The following NDUFAB1 variants were observed in gnomAD, a reference collection of about 807,000 sequenced individuals.
NDUFAB1 encodes the protein acyl carrier protein, mitochondrial.
NDUFAB1 carries 5 observed loss-of-function variants against 16.1 expected under a neutral mutation model. The ratio of observed to expected loss-of-function variants is 0.31; its 90% CI spans 0.16 to 0.65. The LOEUF (loss-of-function observed/expected upper bound fraction) is 0.65. NDUFAB1 is among the 30% of genes least tolerant of loss of function. The probability of loss-of-function intolerance (pLI) is 0.77; values close to 1 mark genes in which losing one functional copy is unlikely to be tolerated. For missense variants in NDUFAB1, 187 were observed against 205.3 expected (o/e 0.91, Z 0.54); for synonymous variants, 85 against 78.4 (o/e 1.08, Z -0.44).
At chr16:23,581,694 A>G (rs570416871) in intron 4 of NDUFAB1, among the ~76,000 whole-genome samples, 21 of 151,694 alleles carry the variant, frequency 1.4e-4, no homozygotes, top group African/African-American at 4.4e-4. Flanking sequence ...TTACATCATT[A>G]TATCAAGTGA....
Position 23,582,319 on chromosome 16 carries a change from C to G in NDUFAB1, c.436G>C (p.Asp146His). The change falls in exon 4 of 5, where the codon GAT becomes CAT. Residue 146 changes from aspartate to histidine, a missense_variant. Asp to His is a moderately conservative substitution (Grantham distance 81). Coordinates refer to ENST00000007516, the MANE Select transcript of NDUFAB1 (RefSeq NM_005003.3). Reference sequence around the variant, plus strand: ...ACATCCTTCTTATCTGCAATGTAATCTACAATTTCTTGTGGACACATTAAC... The same window carrying G: ...ACATCCTTCTTATCTGCAATGTAATGTACAATTTCTTGTGGACACATTAAC... Reference protein sequence around the residue: ...EKLMCPQEIVDYIADKKDVYE With the variant: ...EKLMCPQEIVHYIADKKDVYE 1.3e-6 allele frequency: 2 copies of G among 1,578,078 alleles called. No individual in the cohort carries two copies. The highest frequency in any genetic ancestry group is 1.7e-6 in the Non-Finnish European group (2 of 1,163,688).
intron 1 of NDUFAB1, among the ~76,000 whole-genome samples, chr16:23,590,429 G>C (rs1324245076): frequency 6.6e-6 from 1 of 152,158 alleles, no homozygotes; most frequent in African/African-American, 2.4e-5. Flanking sequence ...ATAAACAACA[G>C]TACCACACTC....
chr16:23,592,520 G>A (rs563141651), intron 1 of NDUFAB1, among the ~76,000 whole-genome samples: 3 of 152,114 alleles, frequency 2.0e-5, no homozygotes, highest in African/African-American at 7.2e-5. Flanking sequence ...CCTGGTCCCA[G>A]TCCTGGAATA....
At chr16:23,588,149 G>A (rs1280398722) in intron 1 of NDUFAB1, among the ~76,000 whole-genome samples, 1 of 152,072 alleles carries the variant, frequency 6.6e-6, no homozygotes, top group East Asian at 1.9e-4. Context: ...TGGCAGTTTT[G>A]CTCACTACTG....
chr16:23,589,408 T>C (rs1183030029), intron 1 of NDUFAB1, among the ~76,000 whole-genome samples: 1 of 152,192 alleles, frequency 6.6e-6, no homozygotes, highest in Non-Finnish European at 1.5e-5. Context: ...TTTTAGAGCA[T>C]GTTTCTTTGT....
rs1038898367 is a variant in NDUFAB1, at chr16:23,587,785, C to T, written c.169-466G>A. Reference sequence around the variant, plus strand: ...GGCAATTCAAATTGAGGACCATACACCAGAAAGGTCTAGTTTGGTTCCAGC... The same window carrying T: ...GGCAATTCAAATTGAGGACCATACATCAGAAAGGTCTAGTTTGGTTCCAGC... On this transcript the variant is annotated intron_variant, in intron 1 of 4. Coordinates refer to ENST00000007516, the MANE Select transcript of NDUFAB1 (RefSeq NM_005003.3). Among the ~76,000 whole-genome samples, 30 of 152,214 alleles carry T rather than the reference C, an allele frequency of 2.0e-4. 1 individual carries two copies. The highest frequency in any genetic ancestry group is 5.3e-4 in the African/African-American group (22 of 41,450).
At chr16:23,583,203 A>G (rs1275521510) in intron 3 of NDUFAB1, among the ~76,000 whole-genome samples, 1 of 152,172 alleles carries the variant, frequency 6.6e-6, no homozygotes, top group African/African-American at 2.4e-5. Context: ...TTGGCCTCCC[A>G]AAGTGCCGAG....
intron 2 of NDUFAB1, among the ~76,000 whole-genome samples, chr16:23,586,039 C>A (rs1279538398): frequency 6.7e-6 from 1 of 150,252 alleles, no homozygotes; most frequent in Non-Finnish European, 1.5e-5. Context: ...GCAATTCTCA[C>A]CCCTCAGACT....
chr16:23,596,312 A>C lies in NDUFAB1; in HGVS notation c.-22T>G. 3 of 1,527,470 alleles carry C rather than the reference A, an allele frequency of 2.0e-6. No homozygotes were observed. The highest frequency in any genetic ancestry group is 1.2e-5 in the South Asian group (1 of 82,046). 94.6% of individuals were successfully genotyped at this position (1,527,470 alleles called of 1,614,324 possible). A position where few individuals can be genotyped will look rare whatever the true frequency, so the allele number is the denominator to read the frequency against. The stretch of plus-strand genomic sequence containing the variant: ...CCATGGCTACGCCAACCCAGGATGC[A>C]CTGCGCCGCCGCCTCCGGACCAGGG... On this transcript the variant is annotated 5_prime_UTR_variant, in exon 1 of 5. Transcript: ENST00000007516.
rs1456705359 is a variant in NDUFAB1 at position 23,583,702 on chromosome 16, G to A, written c.380-1327C>T. The stretch of plus-strand genomic sequence containing the variant: ...TGAGGAGCCCCTCTGCCCGGCAGCC[G>A]CCCCGTCTGGGAAGTGAGGAGCGTC... On this transcript the variant is annotated intron_variant, in intron 3 of 4. Transcript: ENST00000007516. 3.2e-5 allele frequency among the ~76,000 whole-genome samples: 4 copies of A among 125,844 alleles called. 1 individual carries two copies. Among genetic ancestry groups the A allele is most frequent in the East Asian group, 2.7e-4 (1 of 3,656 alleles). 82.6% of individuals were successfully genotyped at this position (125,844 alleles called of 152,430 possible).
intron 1 of NDUFAB1, among the ~76,000 whole-genome samples, chr16:23,595,126 C>T (rs1966312679): frequency 6.6e-6 from 1 of 152,018 alleles, no homozygotes; most frequent in African/African-American, 2.4e-5. Context: ...TGGCGGGCGC[C>T]TGTAGTCCCA....
Position 23,585,430 on chromosome 16 carries a change from G to GAAAGGAGCACC in NDUFAB1, c.292-18_292-8dup. On this transcript the variant is annotated splice_region_variant and splice_polypyrimidine_tract_variant and intron_variant, in intron 2 of 4. Coordinates refer to ENST00000007516, the MANE Select transcript of NDUFAB1 (RefSeq NM_005003.3). The stretch of plus-strand genomic sequence containing the variant: ...AATGAGAATTTACTGAAAGCTGCAA[G>GAAAGGAGCACC]AAAGGAGCACCAAACACAAAATTTA... 6.2e-7 allele frequency: 1 copy of GAAAGGAGCACC among 1,609,688 alleles called. No individual in the cohort carries two copies.
intron 1 of NDUFAB1, among the ~76,000 whole-genome samples, chr16:23,591,416 AGAG>A (rs1336754763): frequency 2.0e-5 from 3 of 152,186 alleles, no homozygotes; most frequent in African/African-American, 7.2e-5. Flanking sequence ...AGGCAAACTC[AGAG>A]GAGGCTAAGG....
rs1332293338 is a variant in NDUFAB1 at position 23,596,224 on chromosome 16, C to A, written c.67G>T (p.Val23Phe). The change falls in exon 1 of 5, where the codon GTC (valine) becomes TTC (phenylalanine). Residue 23 changes from valine to phenylalanine, a missense_variant. Physicochemically the swap from Val to Phe is conservative, Grantham distance 50. Around this residue, in one of 3 missense-constraint regions of NDUFAB1, gnomAD observed 135 missense variants for 129.4 expected, o/e 1.04. Coordinates refer to ENST00000007516, the MANE Select transcript of NDUFAB1 (RefSeq NM_005003.3). ...LPAAFAPLPR[V>F]RMLAVARPLS... is the part of the protein sequence containing the mutation. ...GGCCGGGCCACGGCCAGCATCCGGA[C>A]CCGGGGCAGCGGCGCAAAGGCCGCG... 1 of 1,608,076 alleles carries A rather than the reference C, an allele frequency of 6.2e-7. No homozygotes were observed. The highest frequency in any genetic ancestry group is 1.1e-5 in the South Asian group (1 of 90,400).
intron 1 of NDUFAB1, among the ~76,000 whole-genome samples, chr16:23,589,942 GAAAAAAAAAAAAA>G (rs57098255): frequency 1.1e-3 from 79 of 70,506 alleles, no homozygotes; most frequent in African/African-American, 3.2e-3. Context: ...TCTCCAAAAA[GAAAAAAAAAAAAA>G]AAAAAAAAAA....
intron 3 of NDUFAB1, among the ~76,000 whole-genome samples, chr16:23,584,254 T>TAAAAAAAAAAAAAAAAAAAAAA (rs774895056): frequency 2.5e-4 from 3 of 12,120 alleles, no homozygotes; most frequent in Non-Finnish European, 6.8e-4. Flanking sequence ...GAATGATCAA[T>TAAAAAAAAAAAAAAAAAAAAAA]TAAAAAAAAA....
At chr16:23,586,580 G>A (rs111906580) in intron 2 of NDUFAB1, among the ~76,000 whole-genome samples, 1,988 of 150,472 alleles carry the variant, frequency 0.013, 19 homozygotes, top group South Asian at 0.02. Context: ...TGATCCACTC[G>A]CCTCGGCCTC....
chr16:23,595,765 C>A (rs142941963), intron 1 of NDUFAB1: 1 of 469,630 alleles, frequency 2.1e-6, no homozygotes. Context: ...TGAGACCGTA[C>A]GAGGTGCTCT....
chr16:23,583,346 G>A (rs551612569), intron 3 of NDUFAB1, among the ~76,000 whole-genome samples: 104 of 150,434 alleles, frequency 6.9e-4, no homozygotes, highest in African/African-American at 2.5e-3. Context: ...GTCTCTGCCC[G>A]GCCACCCATC....
Sources: allele counts gnomAD v4.1 joint callset (sites outside exome capture counted in the v4.1 genomes callset), GRCh38; gene constraint gnomAD v4.1.1; regional missense constraint gnomAD v4.1.1; transcripts MANE v1.5; gene names NCBI Gene and HGNC (gene_info 2026-07-23, HGNC 2026-07-21).